The following SYT2 variants were observed in gnomAD, a reference collection of about 807,000 sequenced individuals.
SYT2 encodes synaptotagmin 2.
A neutral mutation model predicts 39.9 loss-of-function variants in SYT2; 15 were observed. The observed-to-expected ratio is 0.38, with a 90% confidence interval of 0.25 to 0.58. The LOEUF (loss-of-function observed/expected upper bound fraction) is 0.58. Ranked by LOEUF, SYT2 falls within the 20% of genes least tolerant of loss-of-function variation. SYT2 has a pLI of 0.70. For synonymous variants in SYT2, 181 were observed against 204.5 expected (o/e 0.89, Z 0.98); for missense variants, 389 against 530.3 (o/e 0.73, Z 2.62).
intron 1 of SYT2, among the ~76,000 whole-genome samples, chr1:202,662,233 C>T (rs991015308): frequency 6.6e-6 from 1 of 152,222 alleles, no homozygotes; most frequent in South Asian, 2.1e-4. Context: ...ATAGTGTATG[C>T]GAGTTGGCGG....
chr1:202,612,493 G>C (rs2149077308), intron 1 of SYT2, among the ~76,000 whole-genome samples: 1 of 152,150 alleles, frequency 6.6e-6, no homozygotes, highest in Non-Finnish European at 1.5e-5. Flanking sequence ...TCAGCCTTCT[G>C]AGTAGCTAGG....
intron 1 of SYT2, among the ~76,000 whole-genome samples, chr1:202,609,372 T>C (rs1174310595): frequency 6.6e-6 from 1 of 152,220 alleles, no homozygotes; most frequent in South Asian, 2.1e-4. Context: ...CCTTGACTTA[T>C]AATCCATGAC....
intron 1 of SYT2, among the ~76,000 whole-genome samples, chr1:202,671,519 C>A (rs1433630189): frequency 6.6e-6 from 1 of 152,222 alleles, no homozygotes; most frequent in Non-Finnish European, 1.5e-5. Flanking sequence ...ATCTAGAAGA[C>A]AACAAAAACC....
At chr1:202,617,671 C>T (rs1691084249) in intron 1 of SYT2, among the ~76,000 whole-genome samples, 1 of 152,186 alleles carries the variant, frequency 6.6e-6, no homozygotes, top group African/African-American at 2.4e-5. Context: ...CCATGGCTCC[C>T]TCCTCCCCTA....
intron 1 of SYT2, among the ~76,000 whole-genome samples, chr1:202,677,362 G>A (rs559608104): frequency 2.8e-4 from 43 of 152,232 alleles, no homozygotes; most frequent in Non-Finnish European, 5.7e-4. Flanking sequence ...CAGAAGTGAC[G>A]CTACATGACT....
chr1:202,608,658 T>C, intron 1 of SYT2, among the ~76,000 whole-genome samples: 1 of 152,256 alleles, frequency 6.6e-6, no homozygotes. Flanking sequence ...TAACTAAATA[T>C]AGCTAATAAT....
At chr1:202,616,051 C>T (rs1558431410) in intron 1 of SYT2, among the ~76,000 whole-genome samples, 2 of 152,120 alleles carry the variant, frequency 1.3e-5, no homozygotes, top group Non-Finnish European at 2.9e-5. Context: ...TCCCATCAAT[C>T]CCCAGGATCA....
At position 202,595,672 on chromosome 1, in the gene SYT2, TAAAAG is replaced by T. The variant is rs965205231; in HGVS notation, c.*1080_*1084del. The T allele has an allele frequency of 2.6e-5, 4 of 152,196 alleles. No individual in the cohort carries two copies. The highest frequency in any genetic ancestry group is 7.2e-5 in the African/African-American group (3 of 41,450). 9.4% of individuals were successfully genotyped at this position (152,196 alleles called of 1,614,324 possible). A position where few individuals can be genotyped will look rare whatever the true frequency, so the allele number is the denominator to read the frequency against. Reference sequence around the variant, plus strand: ...TGTCTTCAGACAGTGTTGCTCCACTTAAAAGAGAAACAGAAGCAAAAGCACAATGG... The same window carrying T: ...TGTCTTCAGACAGTGTTGCTCCACTTAGAAACAGAAGCAAAAGCACAATGG... On this transcript the variant is annotated 3_prime_UTR_variant, in exon 9 of 9. Coordinates refer to ENST00000367268, the MANE Select transcript of SYT2 (RefSeq NM_177402.5).
At chr1:202,652,330 G>A (rs1572659089) in intron 1 of SYT2, among the ~76,000 whole-genome samples, 1 of 152,190 alleles carries the variant, frequency 6.6e-6, no homozygotes, top group African/African-American at 2.4e-5. Context: ...ATGGATCTGG[G>A]TTGGGGGTGA....
intron 1 of SYT2, among the ~76,000 whole-genome samples, chr1:202,631,083 AGAG>A (rs1691575817): frequency 6.6e-6 from 1 of 152,208 alleles, no homozygotes; most frequent in Non-Finnish European, 1.5e-5. Context: ...ACAGCCAGAG[AGAG>A]GAAGGGACTT....
chr1:202,609,275 T>C (rs570266914), intron 1 of SYT2, among the ~76,000 whole-genome samples: 39 of 152,240 alleles, frequency 2.6e-4, no homozygotes, highest in South Asian at 2.1e-3. Context: ...TCCAGTCTTA[T>C]CATTGTTGGA....
chr1:202,627,011 C>T (rs1212012637), intron 1 of SYT2, among the ~76,000 whole-genome samples: 1 of 152,214 alleles, frequency 6.6e-6, no homozygotes, highest in Non-Finnish European at 1.5e-5. Context: ...ATGCTGACCA[C>T]GAACTCAAGG....
intron 1 of SYT2, among the ~76,000 whole-genome samples, chr1:202,618,548 C>A (rs1691114437): frequency 6.6e-6 from 1 of 152,146 alleles, no homozygotes; most frequent in South Asian, 2.1e-4. Flanking sequence ...AGACGCACCC[C>A]CTTATGAGTC....
intron 1 of SYT2, chr1:202,636,390 G>A (rs1332351854): frequency 1.0e-6 from 1 of 985,222 alleles, no homozygotes; most frequent in South Asian, 4.7e-5. Context: ...GCAGGGAGAG[G>A]GAGAGGCCAA....
chr1:202,645,958 C>T (rs949670702), intron 1 of SYT2, among the ~76,000 whole-genome samples: 6 of 152,190 alleles, frequency 3.9e-5, no homozygotes, highest in Admixed American at 3.9e-4. Context: ...TATCAACTTT[C>T]CCAGGAGGCA....
chr1:202,630,266 A>T (rs1210385833), intron 1 of SYT2: 2 of 503,820 alleles, frequency 4.0e-6, no homozygotes, highest in African/African-American at 4.2e-5. Flanking sequence ...GAGCAGAAAG[A>T]GCTGGGGGCT....
intron 1 of SYT2, 100 bp downstream of exon 1, chr1:202,710,158 C>T (rs1654360571): frequency 1.3e-5 from 2 of 152,386 alleles, no homozygotes. Context: ...ACTCACCTCT[C>T]GGGACCCAGA....
Position 202,708,906 on chromosome 1 carries a change from A to T in SYT2, c.-18+1352T>A, listed in dbSNP as rs141672317. ...TAAGTAGGGAGAGATGGTTGAAAGG[A>T]TTAAGGGCTTCCCTGCTTCTGTCAC... On this transcript the variant is annotated intron_variant, in intron 1 of 8. Coordinates refer to ENST00000367268, the MANE Select transcript of SYT2 (RefSeq NM_177402.5). Among the ~76,000 whole-genome samples, 138 of 152,316 alleles carry T rather than the reference A, an allele frequency of 9.1e-4. 1 individual carries two copies. The East Asian group carries it at 0.016, about 18-fold the overall frequency.
chr1:202,705,406 T>C (rs983889905), intron 1 of SYT2, among the ~76,000 whole-genome samples: 1 of 152,220 alleles, frequency 6.6e-6, no homozygotes, highest in African/African-American at 2.4e-5. Context: ...CACACTGACT[T>C]TGCCCTTTCT....
Sources: allele counts gnomAD v4.1 joint callset (sites outside exome capture counted in the v4.1 genomes callset), GRCh38; gene constraint gnomAD v4.1.1; transcripts MANE v1.5; gene names NCBI Gene and HGNC (gene_info 2026-07-23, HGNC 2026-07-21).